Variants in WDR88 observed in about 807,000 individuals in gnomAD.
WDR88 encodes WD repeat domain 88.
WDR88 carries 40 observed loss-of-function variants against 46.8 expected under a neutral mutation model. That is an observed-to-expected ratio of 0.86 (90% CI 0.66 to 1.11). The LOEUF is 1.11. Ranked by LOEUF, WDR88 falls within the 50% of genes most tolerant of loss-of-function variation. The pLI is 0.00. For missense variants in WDR88, 562 were observed against 602.4 expected (o/e 0.93, Z 0.70); for synonymous variants, 235 against 240.7 (o/e 0.98, Z 0.22).
chr19:33,143,088 G>C (rs541947683), intron 2 of WDR88, among the ~76,000 whole-genome samples: 22 of 151,950 alleles, frequency 1.4e-4, no homozygotes, highest in African/African-American at 5.3e-4. Flanking sequence ...CCAGTGCTTT[G>C]GGAGGCCGAG....
At chr19:33,142,782 T>C (rs1175633535) in intron 2 of WDR88, 1 of 126,348 alleles carries the variant, frequency 7.9e-6, no homozygotes, top group Non-Finnish European at 1.6e-5. Context: ...CCCAGGTGGG[T>C]GGATCACGAG....
At position 33,132,114 on chromosome 19, in the gene WDR88, G is replaced by A. The variant is rs1169738253; in HGVS notation, c.-56G>A. 2.0e-6 allele frequency: 3 copies of A among 1,467,740 alleles called. No homozygotes were observed. The highest frequency in any genetic ancestry group is 1.4e-5 in the South Asian group (1 of 73,354). 90.9% of individuals were successfully genotyped at this position (1,467,740 alleles called of 1,614,324 possible). ...GGTGCGGGCGCGGGCGCGGGCGCGC[G>A]GCGCCACCGTTCCCATCCAGGCTTG... is the stretch of plus-strand genomic sequence containing the variant. On this transcript the variant is annotated 5_prime_UTR_variant, in exon 1 of 11. Transcript: ENST00000355868.
rs1030969194 is a variant in WDR88 at position 33,132,268 on chromosome 19, G to A, written c.99G>A (p.Leu33=). ...CCAGCGAGTATTGTCCCGGCAAGCT[G>A]TCCTGGGGGACCATGGCGAGGGCCT... is the stretch of plus-strand genomic sequence containing the variant. The part of the protein sequence containing the change: ...APASEYCPGK[L]SWGTMARALG... The change falls in exon 1 of 11, where the codon CTG becomes CTA. Residue 33 remains leucine (L), a synonymous_variant. Transcript: ENST00000355868. 6.2e-7 allele frequency: 1 copy of A among 1,613,360 alleles called. No individual in the cohort carries two copies. The highest frequency in any genetic ancestry group is 8.5e-7 in the Non-Finnish European group (1 of 1,179,992).
At chr19:33,165,809 C>T (rs1973943566) in intron 9 of WDR88, among the ~76,000 whole-genome samples, 1 of 150,758 alleles carries the variant, frequency 6.6e-6, no homozygotes, top group Non-Finnish European at 1.5e-5. Context: ...AGGAGAATTG[C>T]TTGAACCCGG....
chr19:33,146,614 T>C (rs978738090), intron 3 of WDR88, among the ~76,000 whole-genome samples: 1 of 152,124 alleles, frequency 6.6e-6, no homozygotes, highest in Non-Finnish European at 1.5e-5. Flanking sequence ...CGCCTCCTGG[T>C]TCAAGAGATT....
At chr19:33,156,615 A>G in intron 7 of WDR88, 73 bp downstream of exon 7, 1 of 1,489,816 alleles carries the variant, frequency 6.7e-7, no homozygotes. Flanking sequence ...TTCCGTTCAA[A>G]TGGACAGAGA....
intron 2 of WDR88, among the ~76,000 whole-genome samples, chr19:33,141,435 G>A (rs1184041600): frequency 6.6e-6 from 1 of 151,930 alleles, no homozygotes; most frequent in Admixed American, 6.6e-5. Context: ...TCCCTGTGTT[G>A]CCCGGGCTGG....
chr19:33,145,022 T>G, intron 3 of WDR88, 90 bp downstream of exon 3: 1 of 1,242,758 alleles, frequency 8.0e-7, no homozygotes, highest in South Asian at 1.3e-5. Context: ...GTTTTTGTTT[T>G]AAGTAATAGA....
chr19:33,141,103 A>G (rs989105688), intron 2 of WDR88, among the ~76,000 whole-genome samples: 30 of 150,848 alleles, frequency 2.0e-4, no homozygotes, highest in African/African-American at 7.3e-4. Context: ...TGCCTGGCTA[A>G]TTTTTTTGTT....
chr19:33,133,842 C>T (rs748576205), intron 1 of WDR88, among the ~76,000 whole-genome samples: 14 of 152,196 alleles, frequency 9.2e-5, no homozygotes, highest in African/African-American at 1.4e-4. Context: ...CCTCCCTGAC[C>T]GCCCGTCTAA....
chr19:33,152,298 T>C (rs1019455359), intron 6 of WDR88, among the ~76,000 whole-genome samples: 5 of 152,004 alleles, frequency 3.3e-5, no homozygotes, highest in Non-Finnish European at 7.3e-5. Flanking sequence ...TTTTTAAGTG[T>C]GCAATTCTCT....
intron 2 of WDR88, among the ~76,000 whole-genome samples, chr19:33,139,450 G>T (rs1275769964): frequency 6.6e-6 from 1 of 152,202 alleles, no homozygotes; most frequent in Non-Finnish European, 1.5e-5. Flanking sequence ...TGCAGCATCT[G>T]GCTTCAGGGA....
chr19:33,141,245 T>TTTTTTTTTTTTTTTTTTTTTTTTG, intron 2 of WDR88, among the ~76,000 whole-genome samples: 1 of 148,772 alleles, frequency 6.7e-6, no homozygotes, highest in African/African-American at 2.6e-5. Flanking sequence ...TTTTTTCTTT[T>TTTTTTTTTTTTTTTTTTTTTTTTG]TTGACACAGG....
chr19:33,162,016 C>T (rs1050979054), intron 8 of WDR88, among the ~76,000 whole-genome samples: 2 of 152,162 alleles, frequency 1.3e-5, no homozygotes, highest in African/African-American at 4.8e-5. Flanking sequence ...AAATTCCTGT[C>T]CTTTAATTAC....
At chr19:33,172,984 C>A (rs1016445838) in intron 10 of WDR88, among the ~76,000 whole-genome samples, 2 of 147,492 alleles carry the variant, frequency 1.4e-5, no homozygotes, top group Non-Finnish European at 3.0e-5. Flanking sequence ...ACCAGCTACT[C>A]GAGAGGCTAA....
intron 2 of WDR88, among the ~76,000 whole-genome samples, chr19:33,142,474 A>G (rs1258817923): frequency 6.6e-6 from 1 of 152,022 alleles, no homozygotes; most frequent in Admixed American, 6.6e-5. Flanking sequence ...AGGACGGCTC[A>G]TGGGAAGGAG....
chr19:33,175,107 C>T (rs1974100733), intron 10 of WDR88: 2 of 728,716 alleles, frequency 2.7e-6, no homozygotes, highest in Non-Finnish European at 3.4e-6. Flanking sequence ...TGGTGGTGCA[C>T]GCCTGTAATC....
chr19:33,167,855 G>A (rs567062735), intron 9 of WDR88, among the ~76,000 whole-genome samples: 76 of 151,368 alleles, frequency 5.0e-4, no homozygotes, highest in African/African-American at 1.8e-3. Flanking sequence ...GCACAATCTC[G>A]ACTCACTGCA....
chr19:33,150,861 A>G (rs1973619525), intron 5 of WDR88, among the ~76,000 whole-genome samples: 2 of 152,142 alleles, frequency 1.3e-5, no homozygotes, highest in African/African-American at 4.8e-5. Context: ...TGGACCCCTC[A>G]GGGTGGCCAG....
Sources: gnomAD v4.1 joint callset for allele counts (sites outside exome capture counted in the v4.1 genomes callset) on GRCh38, gnomAD v4.1.1 for gene constraint, MANE v1.5 for transcripts, NCBI Gene and HGNC (gene_info 2026-07-23, HGNC 2026-07-21) for gene names.